Variants in RTRAF observed in about 807,000 individuals in gnomAD.
RTRAF encodes RNA transcription, translation and transport factor, also known as tRNA-splicing ligase complex subunit RTRAF.
RTRAF carries 14 observed loss-of-function variants against 34.4 expected under a neutral mutation model. That is an observed-to-expected ratio of 0.41 (90% CI 0.27 to 0.64). RTRAF has a LOEUF of 0.64. Among genes scored for constraint, RTRAF ranks in the 30% least tolerant of loss-of-function variants. The pLI is 0.34. For synonymous variants in RTRAF, 96 were observed against 95.3 expected (o/e 1.01, Z -0.04); for missense variants, 291 against 288.4 (o/e 1.01, Z -0.06).
At position 52,010,632 on chromosome 14, in the gene RTRAF, C is replaced by T. The variant is rs531660521; in HGVS notation, c.*6116C>T. The stretch of plus-strand genomic sequence containing the variant: ...TCTGAATTTTCTACATATCACATCA[C>T]AGACTAATATTGTTTATACCAGTCT... On this transcript the variant is annotated 3_prime_UTR_variant, in exon 8 of 8. Transcript: ENST00000261700. 1.5e-5 allele frequency: 6 copies of T among 399,270 alleles called. No individual in the cohort carries two copies. The South Asian group carries it at 2.4e-4, about 16-fold the overall frequency. 24.7% of individuals were successfully genotyped at this position (399,270 alleles called of 1,614,324 possible).
At chr14:52,001,645 GTTT>G (rs779354510) in intron 5 of RTRAF, among the ~76,000 whole-genome samples, 150 bp from the exon 6 acceptor site, 1 of 151,828 alleles carries the variant, frequency 6.6e-6, no homozygotes, top group Non-Finnish European at 1.5e-5. Flanking sequence ...ATATTAGTGG[GTTT>G]TTTTTATTTT....
At chr14:51,991,868 A>G (rs1209869978) in intron 2 of RTRAF, among the ~76,000 whole-genome samples, 1 of 152,188 alleles carries the variant, frequency 6.6e-6, no homozygotes, top group African/African-American at 2.4e-5. Flanking sequence ...GAGTTCTGAC[A>G]GCAGCCTGGG....
At position 52,004,442 on chromosome 14, in the gene RTRAF, G is replaced by A. The variant is rs267604003; in HGVS notation, c.661G>A (p.Glu221Lys). 7.4e-6 allele frequency: 12 copies of A among 1,613,824 alleles called. No individual in the cohort carries two copies. Among genetic ancestry groups the A allele is most frequent in the African/African-American group, 4.0e-5 (3 of 74,906 alleles). ...CAGAGAGCTACAGACAAAAATCAAC[G>A]AAGCCATAGTAGCTGTTCAGGCAAT... ...ELRELQTKIN[E>K]AIVAVQAIIA... is the part of the protein sequence containing the mutation. The change falls in exon 8 of 8, where the codon GAA (glutamate) becomes AAA (lysine). Residue 221 changes from glutamate to lysine, a missense_variant. Physicochemically the swap from Glu to Lys is moderately conservative, Grantham distance 56. Transcript: ENST00000261700.
At chr14:52,003,983 A>C in intron 6 of RTRAF, 1 of 569,004 alleles carries the variant, frequency 1.8e-6, no homozygotes, top group Non-Finnish European at 3.2e-6. Context: ...GTACATTTAA[A>C]GGTTAACTTT....
chr14:51,992,049 G>A (rs145413241), intron 2 of RTRAF, among the ~76,000 whole-genome samples: 7 of 152,234 alleles, frequency 4.6e-5, no homozygotes, highest in Non-Finnish European at 8.8e-5. Context: ...CAAGACTGTC[G>A]TGTTTATGCT....
intron 5 of RTRAF, among the ~76,000 whole-genome samples, chr14:52,001,556 AC>A (rs1890602108): frequency 6.6e-6 from 1 of 152,200 alleles, no homozygotes; most frequent in Non-Finnish European, 1.5e-5. Context: ...CACGTGCATT[AC>A]CTATTCAAAA....
At position 52,007,055 on chromosome 14, in the gene RTRAF, A is replaced by T. The variant is rs185454315; in HGVS notation, c.*2539A>T. 200 of 156,708 alleles carry T rather than the reference A, an allele frequency of 1.3e-3. 1 individual carries two copies. Among genetic ancestry groups the T allele is most frequent in the Non-Finnish European group, 2.2e-3 (158 of 70,544 alleles). 9.7% of individuals were successfully genotyped at this position (156,708 alleles called of 1,614,324 possible). ...TTTAACCAAAATCCTTAGTATTTTT[A>T]AAATATTTTCTAGGTAGGAGGAAAA... On this transcript the variant is annotated 3_prime_UTR_variant, in exon 8 of 8. Coordinates refer to ENST00000261700, the MANE Select transcript of RTRAF (RefSeq NM_016039.3).
chr14:51,996,456 CT>C (rs1364164987), intron 3 of RTRAF, among the ~76,000 whole-genome samples: 2 of 151,882 alleles, frequency 1.3e-5, no homozygotes, highest in Non-Finnish European at 2.9e-5. Context: ...TTTTTGAAGC[CT>C]TTTGGTAGCT....
chr14:51,999,695 T>A lies in RTRAF; in HGVS notation c.374-13T>A. ...AGGGTTGTAAGTTTTTGTTTGTTTT[T>A]AATCTTTTATAGTAAATAATCCTGA... On this transcript the variant is annotated splice_polypyrimidine_tract_variant and intron_variant, in intron 4 of 7. Transcript: ENST00000261700. The A allele has an allele frequency of 6.3e-7, 1 of 1,579,982 alleles. No homozygotes were observed. The highest frequency in any genetic ancestry group is 8.7e-7 in the Non-Finnish European group (1 of 1,153,772).
chr14:52,009,832 C>G lies in RTRAF; in HGVS notation c.*5316C>G, dbSNP rs1001722608. ...CGAAACCCTGTCTCGACTAAAAATA[C>G]AAAAATTAGCTGGGCATGGTGGCAC... is the stretch of plus-strand genomic sequence containing the variant. On this transcript the variant is annotated 3_prime_UTR_variant, in exon 8 of 8. Coordinates refer to ENST00000261700, the MANE Select transcript of RTRAF (RefSeq NM_016039.3). 2 of 150,998 alleles carry G rather than the reference C, an allele frequency of 1.3e-5. No individual in the cohort carries two copies. 9.4% of individuals were successfully genotyped at this position (150,998 alleles called of 1,614,324 possible).
intron 2 of RTRAF, 33 bp downstream of exon 2, chr14:51,991,474 A>C: frequency 1.3e-6 from 2 of 1,579,182 alleles, no homozygotes; most frequent in Non-Finnish European, 1.7e-6. Context: ...AAAAATACAG[A>C]GAGTTTGTCT....
rs1890759332 is a variant in RTRAF, at chr14:52,005,887, A to G, written c.*1371A>G. ...AGGAAGAGTGAATTCAGGGACAGTCATTTACTAGATAAAGAAGTCAGTCAG... is the reference window on the plus strand; with the variant it reads ...AGGAAGAGTGAATTCAGGGACAGTCGTTTACTAGATAAAGAAGTCAGTCAG... On this transcript the variant is annotated 3_prime_UTR_variant, in exon 8 of 8. Transcript: ENST00000261700. The G allele has an allele frequency of 1.4e-6, 2 of 1,438,232 alleles. No homozygotes were observed. The highest frequency in any genetic ancestry group is 1.5e-5 in the African/African-American group (1 of 64,590). The allele number at this position is 1,438,232 out of a possible 1,614,324, so 89.1% of individuals were successfully genotyped here. A position where few individuals can be genotyped will look rare whatever the true frequency, so the allele number is the denominator to read the frequency against.
chr14:51,993,692 A>G, intron 2 of RTRAF, 31 bp from the exon 3 acceptor site: 1 of 1,297,902 alleles, frequency 7.7e-7, no homozygotes. Flanking sequence ...TAATAATGAA[A>G]CTGGTGGTTT....
rs1339485969 is a variant in RTRAF at position 52,005,514 on chromosome 14, G to A, written c.*998G>A. 4 of 1,593,888 alleles carry A rather than the reference G, an allele frequency of 2.5e-6. No individual in the cohort carries two copies. In the African/African-American group the frequency reaches 4.1e-5, roughly 16 times the overall value. On this transcript the variant is annotated 3_prime_UTR_variant, in exon 8 of 8. Transcript: ENST00000261700. The stretch of plus-strand genomic sequence containing the variant: ...CTTTCTTCCTGTGAGAGAAGAGCAG[G>A]GGTGGGACAGGGTGGTGGGTGAGTA...
rs112744006 is a variant in RTRAF, at chr14:51,989,822, G to A, written c.61+122G>A. The A allele has an allele frequency of 1.9e-4, 186 of 995,818 alleles. No homozygotes were observed. The African/African-American group carries it at 2.6e-3, about 14-fold the overall frequency. The allele number at this position is 995,818 out of a possible 1,614,324, so 61.7% of individuals were successfully genotyped here. A position where few individuals can be genotyped will look rare whatever the true frequency, so the allele number is the denominator to read the frequency against. On this transcript the variant is annotated intron_variant, in intron 1 of 7. Transcript: ENST00000261700. ...GGCCTGGTTTCCGCCGGCAGCCTCC[G>A]GGCCCCTCTCCTCTGGGTCGCCACG...
intron 3 of RTRAF, among the ~76,000 whole-genome samples, chr14:51,996,903 T>C (rs553651766): frequency 2.0e-5 from 3 of 152,160 alleles, no homozygotes; most frequent in African/African-American, 7.2e-5. Flanking sequence ...TTCCTGTCTT[T>C]ATTTGTGCTT....
chr14:52,004,005 G>A (rs1304267278), intron 6 of RTRAF, 189 bp from the exon 7 acceptor site: 9 of 599,814 alleles, frequency 1.5e-5, no homozygotes, highest in African/African-American at 9.4e-5. Context: ...CCCCCTAACC[G>A]GTTGAAATAG....
In RTRAF at chr14:52,005,405, C is replaced by T; in HGVS notation, c.*889C>T. ...CGTCTAATGGCCAATTCCTTTTTTA[C>T]TTTCTTTGCCTTTGCAGTCACTGTT... On this transcript the variant is annotated 3_prime_UTR_variant, in exon 8 of 8. Transcript: ENST00000261700. 1 of 1,364,706 alleles carries T rather than the reference C, an allele frequency of 7.3e-7. No homozygotes were observed. The allele number at this position is 1,364,706 out of a possible 1,614,324, so 84.5% of individuals were successfully genotyped here.
At position 52,005,834 on chromosome 14, in the gene RTRAF, T is replaced by C. The variant is rs570619362; in HGVS notation, c.*1318T>C. 2.5e-6 allele frequency: 4 copies of C among 1,610,738 alleles called. No homozygotes were observed. The African/African-American group carries it at 5.3e-5, about 22-fold the overall frequency. On this transcript the variant is annotated 3_prime_UTR_variant, in exon 8 of 8. Coordinates refer to ENST00000261700, the MANE Select transcript of RTRAF (RefSeq NM_016039.3). ...TAAACTGGCCACTATGTTTATTTAC[T>C]GATACAACACCATCCCTGGTAACAG...
Sources: allele counts gnomAD v4.1 joint callset (sites outside exome capture counted in the v4.1 genomes callset), GRCh38; gene constraint gnomAD v4.1.1; transcripts MANE v1.5; gene names NCBI Gene and HGNC (gene_info 2026-07-23, HGNC 2026-07-21).